The following ZNF708 variants were observed in gnomAD, a reference collection of about 807,000 sequenced individuals.
The protein encoded by ZNF708 is ZNF15, ZNF15L1.
Under a neutral mutation model 47.0 loss-of-function variants are expected in ZNF708, and 44 were observed. The observed-to-expected ratio is 0.94, with a 90% CI of 0.74 to 1.20. The LOEUF is 1.20. ZNF708 is among the 50% of genes most tolerant of loss of function. ZNF708 has a pLI of 0.00. For synonymous variants in ZNF708, 184 were observed against 218.5 expected (o/e 0.84, Z 1.39); for missense variants, 557 against 656.0 (o/e 0.85, Z 1.65).
chr19:21,327,546 A>AT, intron 1 of ZNF708, among the ~76,000 whole-genome samples: 1 of 151,262 alleles, frequency 6.6e-6, no homozygotes, highest in East Asian at 1.9e-4. Flanking sequence ...AAAAAAAAAA[A>AT]AGAAAAGAAA....
intron 1 of ZNF708, among the ~76,000 whole-genome samples, chr19:21,316,133 C>CTTTTT (rs544312163): frequency 4.7e-5 from 5 of 105,486 alleles, no homozygotes; most frequent in Non-Finnish European, 7.0e-5. Context: ...TTTCTTTTTT[C>CTTTTT]TTTTTTTTTT....
At chr19:21,313,558 G>A in intron 1 of ZNF708, among the ~76,000 whole-genome samples, 1 of 151,980 alleles carries the variant, frequency 6.6e-6, no homozygotes, top group Non-Finnish European at 1.5e-5. Flanking sequence ...AGGAGTTTGA[G>A]ACCAGCCTAG....
At position 21,294,433 on chromosome 19, in the gene ZNF708, C is replaced by T; in HGVS notation, c.533G>A (p.Cys178Tyr). ...FKCKECGKSF[C>Y]MLSQLTQHEI... is the part of the protein sequence containing the mutation. ...ATGTTGAGTTAGTTGTGAAAGCATGCAAAATGATTTGCCACATTCTTTACA... is the reference window on the plus strand; with the variant it reads ...ATGTTGAGTTAGTTGTGAAAGCATGTAAAATGATTTGCCACATTCTTTACA... The change falls in exon 4 of 4, where the codon TGC (cysteine) becomes TAC (tyrosine). Residue 178 changes from cysteine (C) to tyrosine (Y), a missense_variant. Coordinates refer to ENST00000356929, the MANE Select transcript of ZNF708 (RefSeq NM_021269.3). 1 of 1,614,054 alleles carries T rather than the reference C, an allele frequency of 6.2e-7. No homozygotes were observed. Among genetic ancestry groups the T allele is most frequent in the Admixed American group, 1.7e-5 (1 of 60,014 alleles).
At chr19:21,307,939 TAA>T (rs1972819120) in intron 3 of ZNF708, among the ~76,000 whole-genome samples, 1 of 152,066 alleles carries the variant, frequency 6.6e-6, no homozygotes, top group Admixed American at 6.6e-5. Flanking sequence ...ACTCAACTTA[TAA>T]GTTATCATTC....
At chr19:21,310,674 A>T (rs116292941) in intron 1 of ZNF708, 47 bp from the exon 2 acceptor site, 1 of 1,375,532 alleles carries the variant, frequency 7.3e-7, no homozygotes, top group Non-Finnish European at 9.5e-7. Context: ...GGTTATGGAC[A>T]GAATTTTTAA....
chr19:21,329,198 CG>C lies in ZNF708; in HGVS notation c.3+11del. On this transcript the variant is annotated intron_variant, in intron 1 of 3. Transcript: ENST00000356929. Reference sequence around the variant, plus strand: ...CCTTCCCCTCTCTCGGGATGTCGGACGGCACTCTCACCATTTCTAGGCTTCC... The same window carrying C: ...CCTTCCCCTCTCTCGGGATGTCGGACGCACTCTCACCATTTCTAGGCTTCC... The C allele has an allele frequency of 6.2e-7, 1 of 1,612,146 alleles. No individual in the cohort carries two copies. The highest frequency in any genetic ancestry group is 8.5e-7 in the Non-Finnish European group (1 of 1,178,608).
Position 21,293,605 on chromosome 19 carries a change from CCACATTCTTCA to C in ZNF708, c.1350_1360del (p.Cys450TrpfsTer5). On this transcript the variant is annotated frameshift_variant, in exon 4 of 4. Transcript: ENST00000356929. LOFTEE classifies it high-confidence loss of function. ...ATTTGAGGAGTAGTTAAAAGTTTTG[CCACATTCTTCA>C]CATTTGTAGGGTTTGTCTTCAGTAT... The C allele has an allele frequency of 6.2e-7, 1 of 1,612,492 alleles. No individual in the cohort carries two copies. Among genetic ancestry groups the C allele is most frequent in the Non-Finnish European group, 8.5e-7 (1 of 1,179,670 alleles).
intron 3 of ZNF708, among the ~76,000 whole-genome samples, chr19:21,305,834 G>A (rs961993735): frequency 7.9e-5 from 12 of 152,058 alleles, no homozygotes; most frequent in African/African-American, 2.9e-4. Flanking sequence ...TATACTTTCT[G>A]ATTTCAAAAC....
chr19:21,324,045 C>G (rs1973206275), intron 1 of ZNF708, among the ~76,000 whole-genome samples: 1 of 149,302 alleles, frequency 6.7e-6, no homozygotes, highest in African/African-American at 2.5e-5. Flanking sequence ...CAAGACCATC[C>G]TGGCTAACAT....
chr19:21,306,201 A>T (rs12984300), intron 3 of ZNF708, among the ~76,000 whole-genome samples: 86,022 of 152,010 alleles, frequency 0.57, 24,673 homozygotes, highest in Middle Eastern at 0.68. Context: ...CATGAGCAAC[A>T]ACAACAACAA....
Position 21,303,015 on chromosome 19 carries a change from A to C in ZNF708, c.226+6231T>G, listed in dbSNP as rs10415892. ...ATAATCCTAGGATGTTGTGAGGTCAAAGTGGGCTGATCACTTGATCCCAGG... is the reference window on the plus strand; with the variant it reads ...ATAATCCTAGGATGTTGTGAGGTCACAGTGGGCTGATCACTTGATCCCAGG... On this transcript the variant is annotated intron_variant, in intron 3 of 3. Coordinates refer to ENST00000356929, the MANE Select transcript of ZNF708 (RefSeq NM_021269.3). Among the ~76,000 whole-genome samples, 809 of 152,304 alleles carry C rather than the reference A, an allele frequency of 5.3e-3. 8 individuals carry two copies. The highest frequency in any genetic ancestry group is 0.019 in the African/African-American group (774 of 41,554).
chr19:21,329,256 C>T lies in ZNF708; in HGVS notation c.-44G>A. 6.2e-7 allele frequency: 1 copy of T among 1,609,364 alleles called. No individual in the cohort carries two copies. The highest frequency in any genetic ancestry group is 8.5e-7 in the Non-Finnish European group (1 of 1,176,838). On this transcript the variant is annotated 5_prime_UTR_variant, in exon 1 of 4. Coordinates refer to ENST00000356929, the MANE Select transcript of ZNF708 (RefSeq NM_021269.3). ...TCCTGGAGTCTTAGCTGTGGATCTC[C>T]CAATACCTGCAGGTCACAGAGCCAC...
rs62107534 is a variant in ZNF708, at chr19:21,329,389, C to A, written c.-177G>T. On this transcript the variant is annotated 5_prime_UTR_variant, in exon 1 of 4. Coordinates refer to ENST00000356929, the MANE Select transcript of ZNF708 (RefSeq NM_021269.3). The stretch of plus-strand genomic sequence containing the variant: ...CGCCAAACCCGGAAGCCGCCCTGTC[C>A]GGTCCAGCTGCGTGTCTGAGTGAAC... The A allele has an allele frequency of 4.3e-6, 4 of 927,448 alleles. No homozygotes were observed. The Admixed American group carries it at 8.8e-5, about 20-fold the overall frequency. The allele number at this position is 927,448 out of a possible 1,614,324, so 57.5% of individuals were successfully genotyped here.
chr19:21,329,350 A>G lies in ZNF708; in HGVS notation c.-138T>C, dbSNP rs898372039. ...CGAGACCGGAGCTCCGGCTGCAGCA[A>G]GAGACAAAGGCCGCGCCAAACCCGG... On this transcript the variant is annotated 5_prime_UTR_variant, in exon 1 of 4. Coordinates refer to ENST00000356929, the MANE Select transcript of ZNF708 (RefSeq NM_021269.3). The G allele has an allele frequency of 8.8e-5, 122 of 1,391,116 alleles. No homozygotes were observed. The Admixed American group carries it at 2.2e-3, about 25-fold the overall frequency. 86.2% of individuals were successfully genotyped at this position (1,391,116 alleles called of 1,614,324 possible).
intron 1 of ZNF708, among the ~76,000 whole-genome samples, chr19:21,314,056 A>G (rs957834663): frequency 2.0e-5 from 3 of 149,414 alleles, no homozygotes; most frequent in Non-Finnish European, 3.0e-5. Context: ...CTAGAGAGGC[A>G]GCAGAATTCA....
At chr19:21,313,531 G>A (rs1045100017) in intron 1 of ZNF708, among the ~76,000 whole-genome samples, 10 of 151,932 alleles carry the variant, frequency 6.6e-5, no homozygotes, top group African/African-American at 1.7e-4. Context: ...AGGCCCAGGC[G>A]GGCAGATCAT....
chr19:21,294,591 G>A lies in ZNF708; in HGVS notation c.375C>T (p.His125=). The change falls in exon 4 of 4, where the codon CAC becomes CAT. Residue 125 remains histidine, a synonymous_variant. Coordinates refer to ENST00000356929, the MANE Select transcript of ZNF708 (RefSeq NM_021269.3). The stretch of plus-strand genomic sequence containing the variant: ...TTGTCACACACCGGTTAAGTCCCTT[G>A]TGACCTCCTTTGTGCAACTTATGCT... ...VDEHKLHKGG[H]KGLNRCVTTT... is the part of the protein sequence containing the mutation. 1 of 1,614,066 alleles carries A rather than the reference G, an allele frequency of 6.2e-7. No homozygotes were observed. Among genetic ancestry groups the A allele is most frequent in the Non-Finnish European group, 8.5e-7 (1 of 1,179,996 alleles).
intron 1 of ZNF708, among the ~76,000 whole-genome samples, chr19:21,316,568 T>C (rs1391990878): frequency 6.6e-6 from 1 of 152,194 alleles, no homozygotes; most frequent in African/African-American, 2.4e-5. Flanking sequence ...GAATTAAAAA[T>C]TCTCATGTCT....
chr19:21,301,201 G>A (rs971908023), intron 3 of ZNF708, among the ~76,000 whole-genome samples: 1 of 152,112 alleles, frequency 6.6e-6, no homozygotes, highest in Non-Finnish European at 1.5e-5. Context: ...TGAGAGCCAG[G>A]CACGGTGGCT....
Sources: gnomAD v4.1 joint callset for allele counts (sites outside exome capture counted in the v4.1 genomes callset) on GRCh38, gnomAD v4.1.1 for gene constraint, MANE v1.5 for transcripts, NCBI Gene and HGNC (gene_info 2026-07-23, HGNC 2026-07-21) for gene names.